Variants in LRP1B observed in about 807,000 individuals in gnomAD.
LRP1B encodes LDL receptor related protein 1B.
LRP1B carries 217 observed loss-of-function variants against 556.6 expected under a neutral mutation model. The ratio of observed to expected loss-of-function variants is 0.39; its 90% CI spans 0.35 to 0.44. The LOEUF is 0.44. Among genes scored for constraint, LRP1B ranks in the 20% least tolerant of loss-of-function variants. The probability of loss-of-function intolerance (pLI) is 1.00; values close to 1 mark genes in which losing one functional copy is unlikely to be tolerated. For synonymous variants in LRP1B, 2,047 were observed against 1,865.8 expected, an observed-to-expected ratio of 1.10 and a Z score of -2.50; for missense variants, 5,053 against 5,620.8, an observed-to-expected ratio of 0.90 and a Z score of 3.23.
At chr2:141,285,928 G>T (rs1247483516) in intron 3 of LRP1B, among the ~76,000 whole-genome samples, 2 of 148,380 alleles carry the variant, frequency 1.3e-5, no homozygotes, top group Non-Finnish European at 3.0e-5. Context: ...TTAGCCGGGC[G>T]TAGTGGCGGG....
At chr2:141,186,093 A>AAAG (rs1437996587) in intron 7 of LRP1B, among the ~76,000 whole-genome samples, 1 of 151,176 alleles carries the variant, frequency 6.6e-6, no homozygotes, top group Non-Finnish European at 1.5e-5. Context: ...AAAAAAAAAA[A>AAAG]AAAAAACCAG....
At position 140,501,839 on chromosome 2, in the gene LRP1B, T is replaced by G. The variant is rs1366510517; in HGVS notation, c.8698A>C (p.Asn2900His). The G allele has an allele frequency of 6.2e-7, 1 of 1,608,146 alleles. No homozygotes were observed. ...SCNSSFFMCKNGRCIPSGGLC... is the reference protein window; with the variant it reads ...SCNSSFFMCKHGRCIPSGGLC... ...CCTCCACTGGGAATGCACCTGCCAT[T>G]TTTGCACATAAAAAATGAACTGTTG... The change falls in exon 55 of 91, where the codon AAT (asparagine) becomes CAT (histidine). Residue 2900 changes from asparagine to histidine, a missense_variant. Asn to His is a moderately conservative substitution (Grantham distance 68, BLOSUM62 1). Coordinates refer to ENST00000389484, the MANE Select transcript of LRP1B (RefSeq NM_018557.3).
At chr2:141,544,338 T>TTCTTCTTCTTCTTCTTCTTCTCC (rs1685435678) in intron 2 of LRP1B, among the ~76,000 whole-genome samples, 1 of 66,688 alleles carries the variant, frequency 1.5e-5, no homozygotes, top group African/African-American at 6.2e-5. Flanking sequence ...CTTCTTCTTC[T>TTCTTCTTCTTCTTCTTCTTCTCC]TCTTCTTCTT....
At chr2:141,055,067 C>T (rs746733858) in intron 10 of LRP1B, 49 bp downstream of exon 10, 6 of 1,594,836 alleles carry the variant, frequency 3.8e-6, no homozygotes, top group South Asian at 3.4e-5. Flanking sequence ...ACTTAAAATC[C>T]TATTCTAAAG....
At position 141,714,803 on chromosome 2, in the gene LRP1B, T is replaced by C. The variant is rs1356573272; in HGVS notation, c.205+95476A>G. 2.0e-5 allele frequency among the ~76,000 whole-genome samples: 3 copies of C among 152,132 alleles called. No individual in the cohort carries two copies. The East Asian group carries it at 5.8e-4, about 29-fold the overall frequency. On this transcript the variant is annotated intron_variant, in intron 2 of 90. Coordinates refer to ENST00000389484, the MANE Select transcript of LRP1B (RefSeq NM_018557.3). Reference sequence around the variant, plus strand: ...AACAAAGAGAGAAAAGCAGGTTTGCTTTTTTCTAAATCAGAATAAGATTAG... The same window carrying C: ...AACAAAGAGAGAAAAGCAGGTTTGCCTTTTTCTAAATCAGAATAAGATTAG...
At chr2:140,804,400 CT>C (rs1690635996) in intron 32 of LRP1B, among the ~76,000 whole-genome samples, 1 of 152,038 alleles carries the variant, frequency 6.6e-6, no homozygotes, top group African/African-American at 2.4e-5. Context: ...TGTCTGTATG[CT>C]AATTTTACTG....
At chr2:140,463,931 C>T (rs1010146143) in intron 60 of LRP1B, among the ~76,000 whole-genome samples, 1 of 152,104 alleles carries the variant, frequency 6.6e-6, no homozygotes, top group Non-Finnish European at 1.5e-5. Context: ...AGTGGTGGCT[C>T]ACGCCTGTAA....
chr2:141,913,696 T>A (rs1328840406), intron 1 of LRP1B, among the ~76,000 whole-genome samples: 1 of 152,170 alleles, frequency 6.6e-6, no homozygotes, highest in Admixed American at 6.5e-5. Context: ...AATGAACTAC[T>A]AATGATGAGT....
chr2:140,241,462 A>AT lies in LRP1B; in HGVS notation c.13325-1931dup, dbSNP rs36066649. On this transcript the variant is annotated intron_variant, in intron 87 of 90. Transcript: ENST00000389484. ...TTTTCTCTCAATGCAATTATAAATC[A>AT]TTTTTTAAAAATAGATTTTACTTGT... is the stretch of plus-strand genomic sequence containing the variant. Among the ~76,000 whole-genome samples, 1,273 of 151,028 alleles carry AT rather than the reference A, an allele frequency of 8.4e-3. 61 individuals are homozygous for AT. In the East Asian group the frequency reaches 0.14, roughly 16 times the overall value.
intron 2 of LRP1B, among the ~76,000 whole-genome samples, chr2:141,509,183 T>A (rs1559111921): frequency 6.6e-6 from 1 of 152,192 alleles, no homozygotes; most frequent in East Asian, 1.9e-4. Flanking sequence ...CCACTTGTAT[T>A]GCATGGAAAC....
intron 7 of LRP1B, among the ~76,000 whole-genome samples, chr2:141,164,674 T>G (rs1012864399): frequency 4.6e-5 from 7 of 152,070 alleles, no homozygotes; most frequent in Non-Finnish European, 7.4e-5. Flanking sequence ...TGGGGTGATA[T>G]TTCTATCTGT....
intron 7 of LRP1B, among the ~76,000 whole-genome samples, chr2:141,062,704 T>C (rs949271425): frequency 6.6e-6 from 1 of 151,770 alleles, no homozygotes; most frequent in East Asian, 1.9e-4. Context: ...AAACTTATCA[T>C]GTGGAGCTCA....
chr2:140,789,022 C>T (rs1455220076), intron 32 of LRP1B, among the ~76,000 whole-genome samples: 3 of 152,140 alleles, frequency 2.0e-5, no homozygotes, highest in Admixed American at 6.5e-5. Context: ...ATTTCTAAGC[C>T]TCCAGAGCTG....
At chr2:140,603,954 A>G (rs1682771683) in intron 41 of LRP1B, among the ~76,000 whole-genome samples, 1 of 152,116 alleles carries the variant, frequency 6.6e-6, no homozygotes, top group African/African-American at 2.4e-5. Flanking sequence ...TGTGGCATGT[A>G]TATGTGTGTG....
chr2:141,014,241 T>C (rs1558800862), intron 13 of LRP1B, among the ~76,000 whole-genome samples: 1 of 152,056 alleles, frequency 6.6e-6, no homozygotes, highest in Admixed American at 6.6e-5. Flanking sequence ...CCAATGCAAA[T>C]TGAAGAAATC....
intron 3 of LRP1B, among the ~76,000 whole-genome samples, chr2:141,428,148 C>T (rs62167989): frequency 1.3e-4 from 20 of 152,040 alleles, no homozygotes; most frequent in Non-Finnish European, 2.5e-4. Flanking sequence ...TTGTGATAAT[C>T]ATCAAAGTGG....
intron 7 of LRP1B, among the ~76,000 whole-genome samples, chr2:141,065,903 G>A (rs897942655): frequency 2.6e-5 from 4 of 151,890 alleles, no homozygotes; most frequent in African/African-American, 9.7e-5. Context: ...AGATTGTGGA[G>A]ACCAGTCCCA....
chr2:140,529,753 G>C (rs565824587), intron 47 of LRP1B, among the ~76,000 whole-genome samples: 1 of 152,098 alleles, frequency 6.6e-6, no homozygotes, highest in East Asian at 1.9e-4. Context: ...AAAGGGAGCA[G>C]TCTGTACTCA....
At position 140,287,985 on chromosome 2, in the gene LRP1B, AAAATG is replaced by A. The variant is rs1417577404; in HGVS notation, c.12967+9818_12967+9822del. On this transcript the variant is annotated intron_variant, in intron 84 of 90. Transcript: ENST00000389484. ...TTTATGATGTATTTTTGCATCTATA[AAAATG>A]AAATTAAATGCACTATTTCATATAT... Among the ~76,000 whole-genome samples the A allele has an allele frequency of 2.0e-5, 3 of 151,942 alleles. No individual in the cohort carries two copies. The East Asian group carries it at 5.8e-4, about 29-fold the overall frequency.
Sources: gnomAD v4.1 joint callset for allele counts (sites outside exome capture counted in the v4.1 genomes callset) on GRCh38, gnomAD v4.1.1 for gene constraint, MANE v1.5 for transcripts, NCBI Gene and HGNC (gene_info 2026-07-23, HGNC 2026-07-21) for gene names.